KIF26B: variants seen among roughly 807,000 people sequenced by gnomAD.
The protein encoded by KIF26B is kinesin family member 26B.
Under a neutral mutation model 151.2 loss-of-function variants are expected in KIF26B, and 63 were observed. That is an observed-to-expected ratio of 0.42 (90% CI 0.34 to 0.51). KIF26B has a LOEUF of 0.51. Among genes scored for constraint, KIF26B ranks in the 20% least tolerant of loss-of-function variants. The pLI, the probability that KIF26B is intolerant of heterozygous loss-of-function variation, is 0.07. For synonymous variants in KIF26B, 1,357 were observed against 1,262.1 expected, an observed-to-expected ratio of 1.08 and a Z score of -1.59; for missense variants, 2,813 against 2,913.6, an observed-to-expected ratio of 0.97 and a Z score of 0.79.
intron 2 of KIF26B, among the ~76,000 whole-genome samples, chr1:245,205,709 CTTTTCT>C (rs940821487): frequency 2.4e-5 from 2 of 84,566 alleles, no homozygotes; most frequent in Non-Finnish European, 4.4e-5. Context: ...TCTTTCTTTT[CTTTTCT>C]TTTTTTTTTT....
chr1:245,547,656 T>C (rs900345038), intron 5 of KIF26B, among the ~76,000 whole-genome samples: 3 of 151,888 alleles, frequency 2.0e-5, no homozygotes, highest in African/African-American at 4.8e-5. Flanking sequence ...TTAATTCTGC[T>C]GATGAGGGTG....
intron 3 of KIF26B, among the ~76,000 whole-genome samples, chr1:245,387,095 C>T (rs1340621590): frequency 1.3e-4 from 20 of 151,900 alleles, no homozygotes; most frequent in Admixed American, 1.3e-3. Context: ...GAAACAAGTA[C>T]TAAATGTTGT....
At chr1:245,460,257 C>T (rs1315020695) in intron 4 of KIF26B, among the ~76,000 whole-genome samples, 8 of 152,172 alleles carry the variant, frequency 5.3e-5, no homozygotes, top group African/African-American at 1.2e-4. Context: ...TGAGCCACCA[C>T]GCCTGGCCCA....
intron 2 of KIF26B, among the ~76,000 whole-genome samples, chr1:245,198,101 CGTTGAGGG>C (rs1390254355): frequency 6.6e-6 from 1 of 152,146 alleles, no homozygotes; most frequent in Non-Finnish European, 1.5e-5. Flanking sequence ...AGCAGATACT[CGTTGAGGG>C]CTTACTATGC....
rs147227062 is a variant in KIF26B, at chr1:245,542,269, C to G, written c.1350+1319C>G. 1.7e-3 allele frequency among the ~76,000 whole-genome samples: 260 copies of G among 152,362 alleles called. 1 individual carries two copies. The highest frequency in any genetic ancestry group is 0.014 in the Middle Eastern group (4 of 294). ...TCAGGAGGCTAAGGAGGGAGGATCA[C>G]TTGAGCCCAGGAGTTAGAGGCTGCA... On this transcript the variant is annotated intron_variant, in intron 5 of 14. Transcript: ENST00000407071.
At chr1:245,189,271 G>A (rs1013570880) in intron 2 of KIF26B, among the ~76,000 whole-genome samples, 4 of 152,102 alleles carry the variant, frequency 2.6e-5, no homozygotes, top group African/African-American at 9.7e-5. Context: ...TCAAATCCTG[G>A]GAAATATGAT....
At chr1:245,159,388 T>G (rs932539920) in intron 2 of KIF26B, among the ~76,000 whole-genome samples, 2 of 152,232 alleles carry the variant, frequency 1.3e-5, no homozygotes, top group Non-Finnish European at 2.9e-5. Context: ...ACTGATTTAC[T>G]TTGTGACATT....
At chr1:245,550,155 T>C (rs1442638483) in intron 5 of KIF26B, among the ~76,000 whole-genome samples, 1 of 152,212 alleles carries the variant, frequency 6.6e-6, no homozygotes, top group Non-Finnish European at 1.5e-5. Flanking sequence ...TGCGTCTGTG[T>C]TCTGTGCCAC....
chr1:245,319,113 A>G (rs952700613), intron 2 of KIF26B, among the ~76,000 whole-genome samples: 1 of 152,196 alleles, frequency 6.6e-6, no homozygotes, highest in African/African-American at 2.4e-5. Context: ...CCTTTCCTTT[A>G]AGTTACAGCT....
intron 4 of KIF26B, among the ~76,000 whole-genome samples, chr1:245,536,048 A>C (rs1001919940): frequency 7.9e-5 from 12 of 152,138 alleles, no homozygotes; most frequent in African/African-American, 2.9e-4. Flanking sequence ...ACATTATCAG[A>C]ATTTAGGTAA....
intron 4 of KIF26B, among the ~76,000 whole-genome samples, chr1:245,470,624 G>A (rs1659891125): frequency 6.6e-6 from 1 of 152,004 alleles, no homozygotes; most frequent in South Asian, 2.1e-4. Context: ...TAGAGACAGG[G>A]TTTCACCGAG....
chr1:245,244,750 G>GCACACACACACA lies in KIF26B; in HGVS notation c.465+88072_465+88073insACACACACACAC, dbSNP rs1670283660. ...TTTGTGAGAAGGAACACACAGACACGCACACTCACACACACACACACACAC... is the reference window on the plus strand; with the variant it reads ...TTTGTGAGAAGGAACACACAGACACGCACACACACACACACACTCACACACACACACACACAC... On this transcript the variant is annotated intron_variant, in intron 2 of 14. Transcript: ENST00000407071. This position sits in a 1 kb window ranked among gnomAD's most constrained non-coding sequence, Gnocchi z 4.2. Among the ~76,000 whole-genome samples, 3 of 59,464 alleles carry GCACACACACACA rather than the reference G, an allele frequency of 5.0e-5. No homozygotes were observed. The South Asian group carries it at 1.8e-3, about 36-fold the overall frequency. 39.0% of individuals were successfully genotyped at this position (59,464 alleles called of 152,430 possible).
intron 4 of KIF26B, among the ~76,000 whole-genome samples, chr1:245,461,274 T>TA (rs1659639380): frequency 6.6e-6 from 1 of 152,054 alleles, no homozygotes; most frequent in South Asian, 2.1e-4. Context: ...TGCTTTCTCT[T>TA]AAAGTCAGCT....
chr1:245,259,927 C>T (rs570241350), intron 2 of KIF26B, among the ~76,000 whole-genome samples: 13 of 120,696 alleles, frequency 1.1e-4, no homozygotes, highest in Admixed American at 5.6e-4. Context: ...AGAGCGAGGT[C>T]CTGTCTCAAA....
chr1:245,515,165 T>C (rs1370820575), intron 4 of KIF26B, among the ~76,000 whole-genome samples: 3 of 152,166 alleles, frequency 2.0e-5, no homozygotes, highest in African/African-American at 7.2e-5. Context: ...GGTTACTCCT[T>C]ACTCCACCAC....
chr1:245,686,556 G>T lies in KIF26B; in HGVS notation c.3573G>T (p.Thr1191=), dbSNP rs749172509. 1.4e-5 allele frequency: 23 copies of T among 1,612,916 alleles called. No individual in the cohort carries two copies. The highest frequency in any genetic ancestry group is 1.9e-5 in the Non-Finnish European group (22 of 1,179,822). Residue 1191 remains threonine, a synonymous_variant, in exon 12 of 15, where the codon ACG becomes ACT. Coordinates refer to ENST00000407071, the MANE Select transcript of KIF26B (RefSeq NM_018012.4). The surrounding 1 kb of genome is among the most constrained non-coding windows in gnomAD (Gnocchi z 5.6). ...ELNGEDELVF[T]LVEELTISGV... ...ACGGTGAGGACGAGCTGGTGTTCAC[G>T]CTGGTGGAGGAGCTGACCATCAGCG...
At chr1:245,701,788 C>G (rs1230301047) in intron 14 of KIF26B, among the ~76,000 whole-genome samples, 1 of 152,156 alleles carries the variant, frequency 6.6e-6, no homozygotes, top group African/African-American at 2.4e-5. Context: ...CCAGGGCCAT[C>G]CCACCACCTT....
intron 2 of KIF26B, among the ~76,000 whole-genome samples, chr1:245,313,132 C>A (rs1266960943): frequency 6.6e-6 from 1 of 152,148 alleles, no homozygotes; most frequent in Non-Finnish European, 1.5e-5. Context: ...GCACTTCAGC[C>A]TCGGCGACAG....
intron 2 of KIF26B, among the ~76,000 whole-genome samples, chr1:245,191,059 C>CAAAAAA (rs55993346): frequency 5.8e-5 from 3 of 52,076 alleles, no homozygotes; most frequent in Middle Eastern, 0.015. Flanking sequence ...GACTCTGTCT[C>CAAAAAA]AAAAAAAAAA....
Sources: gnomAD v4.1 joint callset for allele counts (sites outside exome capture counted in the v4.1 genomes callset) on GRCh38, gnomAD v4.1.1 for gene constraint, Gnocchi (gnomAD v3.1) non-coding constraint, MANE v1.5 for transcripts, NCBI Gene and HGNC (gene_info 2026-07-23, HGNC 2026-07-21) for gene names.